Variants in METTL21C observed in about 807,000 individuals in gnomAD.
METTL21C encodes the protein methyltransferase 21C, AARS1 lysine.
A neutral mutation model predicts 25.9 loss-of-function variants in METTL21C; 21 were observed. That is an observed-to-expected ratio of 0.81 (90% CI 0.58 to 1.17). The LOEUF (loss-of-function observed/expected upper bound fraction) is 1.17, where lower values mean the gene tolerates loss of function less well. METTL21C is among the 50% of genes most tolerant of loss of function. The probability of loss-of-function intolerance (pLI) is 0.00; values close to 1 mark genes in which losing one functional copy is unlikely to be tolerated. For missense variants in METTL21C, 312 were observed against 315.1 expected (o/e 0.99, Z 0.07); for synonymous variants, 125 against 124.7 (o/e 1.00, Z -0.01).
the METTL21C span, among the ~76,000 whole-genome samples, chr13:102,700,341 T>C: frequency 5.3e-5 from 8 of 152,350 alleles, no homozygotes; most frequent in African/African-American, 1.4e-4. Flanking sequence ...CTTTGGAGAA[T>C]AGACATACTT....
At position 102,694,683 on chromosome 13, in the gene METTL21C, C is replaced by A. The variant is rs983381011; in HGVS notation, c.-185G>T. On this transcript the variant is annotated 5_prime_UTR_variant, in exon 1 of 4. Transcript: ENST00000267273. ...AATAATTTTGAATTGTTACACGTAT[C>A]TTTACCTTATGCAGCAGAAGAGATG... is the stretch of plus-strand genomic sequence containing the variant. Among the ~76,000 whole-genome samples the A allele has an allele frequency of 4.0e-5, 6 of 151,590 alleles. No individual in the cohort carries two copies.
At chr13:102,688,730 C>T (rs1446132288) in intron 2 of METTL21C, among the ~76,000 whole-genome samples, 1 of 152,182 alleles carries the variant, frequency 6.6e-6, no homozygotes, top group African/African-American at 2.4e-5. Context: ...ATTCAGAGGG[C>T]AGCTCTGAGG....
At chr13:102,698,138 C>T (rs990157041), upstream of METTL21C, among the ~76,000 whole-genome samples, 14 of 152,074 alleles carry the variant, frequency 9.2e-5, no homozygotes, top group African/African-American at 3.4e-4. Context: ...GTGCCAGGTG[C>T]TCAGAGGGTC....
the METTL21C span, among the ~76,000 whole-genome samples, chr13:102,700,994 A>G: frequency 6.6e-6 from 1 of 151,948 alleles, no homozygotes; most frequent in East Asian, 1.9e-4. Flanking sequence ...ACAGCAGTTG[A>G]CCACTGTTCA....
At chr13:102,703,504 C>A in the METTL21C span, among the ~76,000 whole-genome samples, 1 of 152,094 alleles carries the variant, frequency 6.6e-6, no homozygotes, top group South Asian at 2.1e-4. Context: ...GAAAGAAAAC[C>A]CTGAAGCAGG....
At chr13:102,696,043 A>C (rs1327727143), upstream of METTL21C, among the ~76,000 whole-genome samples, 1 of 152,210 alleles carries the variant, frequency 6.6e-6, no homozygotes, top group Non-Finnish European at 1.5e-5. Context: ...TACTATCTAG[A>C]GAAAGAAACC....
chr13:102,686,843 G>T, intron 3 of METTL21C, 97 bp downstream of exon 3: 2 of 918,890 alleles, frequency 2.2e-6, no homozygotes, highest in Non-Finnish European at 3.5e-6. Flanking sequence ...GTGAAGTTAG[G>T]GCCAGGCACC....
At chr13:102,695,763 T>A (rs1566391592), upstream of METTL21C, among the ~76,000 whole-genome samples, 1 of 152,228 alleles carries the variant, frequency 6.6e-6, no homozygotes, top group Non-Finnish European at 1.5e-5. Context: ...TGCTTTCTTA[T>A]TCCCCAAATG....
upstream of METTL21C, among the ~76,000 whole-genome samples, chr13:102,697,681 A>C (rs1885968500): frequency 6.6e-6 from 1 of 152,118 alleles, no homozygotes; most frequent in Non-Finnish European, 1.5e-5. Context: ...AGCATCCCAG[A>C]AGCCCCCATC....
upstream of METTL21C, among the ~76,000 whole-genome samples, chr13:102,698,537 C>T (rs548564335): frequency 4.7e-4 from 71 of 152,116 alleles, no homozygotes; most frequent in Non-Finnish European, 2.5e-4. Context: ...GCCACTAAAA[C>T]CACCCACATC....
intron 3 of METTL21C, among the ~76,000 whole-genome samples, chr13:102,686,738 G>A (rs1885685987): frequency 6.6e-6 from 1 of 152,158 alleles, no homozygotes; most frequent in African/African-American, 2.4e-5. Context: ...ATGGAAACTG[G>A]TTGATTGGAG....
upstream of METTL21C, among the ~76,000 whole-genome samples, chr13:102,699,006 G>A (rs8000704): frequency 0.068 from 10,292 of 152,110 alleles, 1,093 homozygotes; most frequent in African/African-American, 0.22. Flanking sequence ...AATGTCTAGG[G>A]AAAAAGATTC....
At chr13:102,688,132 A>C (rs1885724658) in intron 2 of METTL21C, among the ~76,000 whole-genome samples, 1 of 152,224 alleles carries the variant, frequency 6.6e-6, no homozygotes, top group Non-Finnish European at 1.5e-5. Context: ...GCCCTAGCTA[A>C]AGATATGCCC....
At chr13:102,688,195 C>A (rs1885727637) in intron 2 of METTL21C, among the ~76,000 whole-genome samples, 3 of 152,212 alleles carry the variant, frequency 2.0e-5, no homozygotes, top group Admixed American at 2.0e-4. Context: ...GGAGTGGGGG[C>A]AGCCAGGATG....
upstream of METTL21C, among the ~76,000 whole-genome samples, chr13:102,699,682 T>C (rs1215134691): frequency 1.3e-5 from 2 of 152,162 alleles, no homozygotes; most frequent in Non-Finnish European, 1.5e-5. Context: ...CAGTGAGTAA[T>C]GGAGAAAAGG....
intron 1 of METTL21C, among the ~76,000 whole-genome samples, chr13:102,693,764 A>G (rs1227164111): frequency 6.6e-6 from 1 of 152,220 alleles, no homozygotes; most frequent in Non-Finnish European, 1.5e-5. Context: ...AGATTTTCAG[A>G]TAAGGTAGAG....
upstream of METTL21C, among the ~76,000 whole-genome samples, chr13:102,699,433 T>C (rs1396270019): frequency 1.3e-5 from 2 of 152,204 alleles, no homozygotes; most frequent in Non-Finnish European, 2.9e-5. Flanking sequence ...CGCCCTGGGC[T>C]GCTATTCCTG....
At chr13:102,695,127 A>G (rs1473529764), upstream of METTL21C, among the ~76,000 whole-genome samples, 1 of 152,088 alleles carries the variant, frequency 6.6e-6, no homozygotes, top group Non-Finnish European at 1.5e-5. Context: ...GCCAAACTCC[A>G]GTAGCCACAG....
At chr13:102,699,140 G>A (rs1261033668), upstream of METTL21C, among the ~76,000 whole-genome samples, 1 of 152,142 alleles carries the variant, frequency 6.6e-6, no homozygotes, top group Non-Finnish European at 1.5e-5. Context: ...CCCATAAAAA[G>A]CAAGGGTTAT....
Sources: allele counts gnomAD v4.1 joint callset (sites outside exome capture counted in the v4.1 genomes callset), GRCh38; gene constraint gnomAD v4.1.1; transcripts MANE v1.5; gene names NCBI Gene and HGNC (gene_info 2026-07-23, HGNC 2026-07-21).